The following ACAP2 variants were observed in gnomAD, a reference collection of about 807,000 sequenced individuals.
ACAP2 encodes the protein ArfGAP with coiled-coil, ankyrin repeat and PH domains 2.
In ACAP2, 39 loss-of-function variants were observed where a neutral mutation model predicts 115.8. The ratio of observed to expected loss-of-function variants is 0.34; its 90% CI spans 0.26 to 0.44. ACAP2 has a LOEUF of 0.44. Ranked by LOEUF, ACAP2 falls within the 20% of genes least tolerant of loss-of-function variation. The pLI, the probability that ACAP2 is intolerant of heterozygous loss-of-function variation, is 1.00. For missense variants in ACAP2, 662 were observed against 927.6 expected, an observed-to-expected ratio of 0.71 and a Z score of 3.72; for synonymous variants, 289 against 315.8, an observed-to-expected ratio of 0.92 and a Z score of 0.90.
intron 2 of ACAP2, among the ~76,000 whole-genome samples, chr3:195,385,183 T>C (rs1734213464): frequency 1.3e-5 from 2 of 149,300 alleles, no homozygotes. Flanking sequence ...GAGGCCAAGA[T>C]GGGAGGAACT....
intron 13 of ACAP2, among the ~76,000 whole-genome samples, chr3:195,304,857 A>G (rs951419469): frequency 2.0e-5 from 3 of 152,216 alleles, no homozygotes; most frequent in Non-Finnish European, 4.4e-5. Context: ...CAGAGTTTCC[A>G]AAGAAGTTTT....
intron 1 of ACAP2, among the ~76,000 whole-genome samples, chr3:195,395,863 A>G (rs540985858): frequency 2.0e-5 from 3 of 152,346 alleles, no homozygotes; most frequent in African/African-American, 7.2e-5. Flanking sequence ...AAAAACAGAT[A>G]CTTTATTTTT....
intron 4 of ACAP2, chr3:195,350,066 C>T (rs544301648): frequency 4.2e-4 from 70 of 165,936 alleles, no homozygotes; most frequent in Non-Finnish European, 7.6e-4. Flanking sequence ...AAATCATACA[C>T]ACACAAATAG....
At chr3:195,352,202 A>T (rs1731656211) in intron 4 of ACAP2, among the ~76,000 whole-genome samples, 1 of 152,204 alleles carries the variant, frequency 6.6e-6, no homozygotes, top group African/African-American at 2.4e-5. Context: ...TTCATTACAG[A>T]AACATGCTGT....
intron 10 of ACAP2, among the ~76,000 whole-genome samples, chr3:195,318,847 A>G (rs978868959): frequency 2.0e-5 from 3 of 152,264 alleles, no homozygotes; most frequent in African/African-American, 7.2e-5. Flanking sequence ...TTGCAAAAAT[A>G]ATGAGGAGCT....
chr3:195,300,782 C>A (rs187113585), intron 15 of ACAP2, among the ~76,000 whole-genome samples: 2 of 152,088 alleles, frequency 1.3e-5, no homozygotes, highest in Non-Finnish European at 2.9e-5. Flanking sequence ...TTTGGGAGGC[C>A]GAGGTAGATG....
chr3:195,390,133 T>C (rs1577401335), intron 2 of ACAP2, among the ~76,000 whole-genome samples: 1 of 152,034 alleles, frequency 6.6e-6, no homozygotes, highest in African/African-American at 2.4e-5. Context: ...GAGGCGGAGG[T>C]TGCAAGTGAG....
intron 4 of ACAP2, among the ~76,000 whole-genome samples, chr3:195,377,955 G>T (rs1012971830): frequency 6.6e-6 from 1 of 150,512 alleles, no homozygotes; most frequent in African/African-American, 2.4e-5. Context: ...ACAAAAAGTG[G>T]TTTTTTTCTT....
At chr3:195,325,414 A>ATTTTTTTTT (rs746254101) in intron 9 of ACAP2, 2 of 321,586 alleles carry the variant, frequency 6.2e-6, no homozygotes, top group African/African-American at 3.7e-5. Flanking sequence ...TAGTGGACTG[A>ATTTTTTTTT]TTTTTTTTTT....
intron 1 of ACAP2, among the ~76,000 whole-genome samples, chr3:195,415,107 T>C (rs1440900134): frequency 2.0e-5 from 3 of 152,090 alleles, no homozygotes; most frequent in Non-Finnish European, 4.4e-5. Context: ...ATGGAAACCA[T>C]GGACTTTGGG....
chr3:195,370,508 C>A (rs1319397010), intron 4 of ACAP2, among the ~76,000 whole-genome samples: 3 of 152,098 alleles, frequency 2.0e-5, no homozygotes, highest in Non-Finnish European at 2.9e-5. Context: ...AAGTCCTTTC[C>A]CTCATTACTT....
chr3:195,414,404 C>T lies in ACAP2; in HGVS notation c.54-22257G>A, dbSNP rs186333996. 3.9e-5 allele frequency among the ~76,000 whole-genome samples: 6 copies of T among 152,290 alleles called. No homozygotes were observed. The East Asian group carries it at 9.6e-4, about 24-fold the overall frequency. ...GATTATAGGTATGAGCTGCCATACC[C>T]AGCCTACGAAATACATTCTTGCCAC... is the stretch of plus-strand genomic sequence containing the variant. On this transcript the variant is annotated intron_variant, in intron 1 of 22. Coordinates refer to ENST00000326793, the MANE Select transcript of ACAP2 (RefSeq NM_012287.6).
At chr3:195,340,950 T>C (rs966589400) in intron 6 of ACAP2, among the ~76,000 whole-genome samples, 4 of 152,184 alleles carry the variant, frequency 2.6e-5, no homozygotes. Flanking sequence ...TAAAGTTAAT[T>C]TTCTATTGTT....
chr3:195,294,772 T>A lies in ACAP2; in HGVS notation c.1712A>T (p.Asp571Val), dbSNP rs1250764891. The A allele has an allele frequency of 3.1e-6, 5 of 1,610,242 alleles. No individual in the cohort carries two copies. The highest frequency in any genetic ancestry group is 3.4e-6 in the Non-Finnish European group (4 of 1,177,406). ...CGTGGAGGGTAAAGATTCTCTTCCATCATCAGAGCTCTGCTGAATTCCACT... is the reference window on the plus strand; with the variant it reads ...CGTGGAGGGTAAAGATTCTCTTCCAACATCAGAGCTCTGCTGAATTCCACT... ...NDSGIQQSSD[D>V]GRESLPSTVS... is the part of the protein sequence containing the mutation. Residue 571 changes from aspartate (D) to valine (V), a missense_variant, in exon 18 of 23, where the codon GAT (aspartate) becomes GTT (valine). This residue lies in a region of ACAP2 where 133 missense variants were observed against 123.1 expected (regional missense o/e 1.08). Transcript: ENST00000326793.
At chr3:195,297,074 G>T in intron 16 of ACAP2, 116 bp downstream of exon 16, 1 of 817,670 alleles carries the variant, frequency 1.2e-6, no homozygotes, top group Non-Finnish European at 2.0e-6. Flanking sequence ...CATTCGAACA[G>T]AAGTGGTAAT....
rs1716136493 is a variant in ACAP2 at position 195,442,948 on chromosome 3, G to A, written c.-101C>T. 4.4e-6 allele frequency: 5 copies of A among 1,123,650 alleles called. No individual in the cohort carries two copies. The highest frequency in any genetic ancestry group is 6.0e-6 in the Non-Finnish European group (5 of 829,324). 69.6% of individuals were successfully genotyped at this position (1,123,650 alleles called of 1,614,324 possible). A position where few individuals can be genotyped will look rare whatever the true frequency, so the allele number is the denominator to read the frequency against. ...TACGGCGGGCGCACGGCCGCGACTA[G>A]CGTTGCGCGGAGCTGCGAAGGGCGC... On this transcript the variant is annotated 5_prime_UTR_variant, in exon 1 of 23. Transcript: ENST00000326793.
intron 4 of ACAP2, among the ~76,000 whole-genome samples, chr3:195,359,833 A>G (rs1173535152): frequency 1.3e-5 from 2 of 152,174 alleles, no homozygotes; most frequent in African/African-American, 2.4e-5. Flanking sequence ...TTGATTTGCT[A>G]CCGTAAGATA....
Position 195,372,987 on chromosome 3 carries a change from C to CAAAAAAAAAAAAAAA in ACAP2, c.285+8007_285+8021dup, listed in dbSNP as rs869134113. ...TGGGCGACAGAGCGAGACTCCATCT[C>CAAAAAAAAAAAAAAA]AAAAAAAAAAAAAAAAAAAAAAAAA... On this transcript the variant is annotated intron_variant, in intron 4 of 22. Coordinates refer to ENST00000326793, the MANE Select transcript of ACAP2 (RefSeq NM_012287.6). 2.3e-3 allele frequency among the ~76,000 whole-genome samples: 40 copies of CAAAAAAAAAAAAAAA among 17,766 alleles called. 1 individual carries two copies. Among genetic ancestry groups the CAAAAAAAAAAAAAAA allele is most frequent in the Non-Finnish European group, 2.7e-3 (19 of 7,116 alleles). 11.7% of individuals were successfully genotyped at this position (17,766 alleles called of 152,430 possible). A position where few individuals can be genotyped will look rare whatever the true frequency, so the allele number is the denominator to read the frequency against.
chr3:195,431,885 T>C (rs751934158), intron 1 of ACAP2, among the ~76,000 whole-genome samples: 1 of 152,178 alleles, frequency 6.6e-6, no homozygotes, highest in Non-Finnish European at 1.5e-5. Context: ...TCTTTTCCAG[T>C]ATAGCCATCC....
Sources: allele counts gnomAD v4.1 joint callset (sites outside exome capture counted in the v4.1 genomes callset), GRCh38; gene constraint gnomAD v4.1.1; regional missense constraint gnomAD v4.1.1; transcripts MANE v1.5; gene names NCBI Gene and HGNC (gene_info 2026-07-23, HGNC 2026-07-21).